CAPS2: variants seen among roughly 807,000 people sequenced by gnomAD.
CAPS2 encodes calcyphosin-2.
A neutral mutation model predicts 86.5 loss-of-function variants in CAPS2; 98 were observed. The observed-to-expected ratio is 1.13, with a 90% CI of 0.96 to 1.34. The LOEUF (loss-of-function observed/expected upper bound fraction) is 1.34. CAPS2 is among the 40% of genes most tolerant of loss of function. The probability of loss-of-function intolerance (pLI) is 0.00; values close to 1 mark genes in which losing one functional copy is unlikely to be tolerated. For synonymous variants in CAPS2, 210 were observed against 225.1 expected (o/e 0.93, Z 0.60); for missense variants, 729 against 686.8 (o/e 1.06, Z -0.69).
chr12:75,292,767 A>G (rs2036213232), intron 12 of CAPS2, among the ~76,000 whole-genome samples: 1 of 149,148 alleles, frequency 6.7e-6, no homozygotes, highest in South Asian at 2.1e-4. Flanking sequence ...TATTCCTGTT[A>G]TTAAAAAAAT....
intron 1 of CAPS2, among the ~76,000 whole-genome samples, chr12:75,372,077 C>T (rs1268317159): frequency 5.3e-5 from 8 of 152,160 alleles, no homozygotes; most frequent in African/African-American, 1.7e-4. Context: ...TGCAGTGGCA[C>T]GATCTTGGCT....
chr12:75,282,790 T>C (rs2034212102), intron 15 of CAPS2, among the ~76,000 whole-genome samples: 1 of 152,202 alleles, frequency 6.6e-6, no homozygotes, highest in Non-Finnish European at 1.5e-5. Context: ...TTAAAAGTAC[T>C]ATACTGATAC....
chr12:75,315,302 T>C (rs1201627275), intron 6 of CAPS2, among the ~76,000 whole-genome samples: 1 of 152,180 alleles, frequency 6.6e-6, no homozygotes, highest in Non-Finnish European at 1.5e-5. Flanking sequence ...TATATCAAAA[T>C]AAGCCTGAAT....
At chr12:75,372,100 C>T (rs1161122008) in intron 1 of CAPS2, among the ~76,000 whole-genome samples, 4 of 152,272 alleles carry the variant, frequency 2.6e-5, no homozygotes, top group South Asian at 2.1e-4. Flanking sequence ...CTGCAACCTC[C>T]GCCTGCTGGG....
chr12:75,363,690 A>T (rs946491752), intron 1 of CAPS2, among the ~76,000 whole-genome samples: 2 of 152,184 alleles, frequency 1.3e-5, no homozygotes. Flanking sequence ...AAATGGAGCC[A>T]TGTGTCAACA....
At chr12:75,303,219 A>C (rs2038032127) in intron 8 of CAPS2, among the ~76,000 whole-genome samples, 1 of 152,238 alleles carries the variant, frequency 6.6e-6, no homozygotes. Context: ...TAAAACTCAC[A>C]AACCTAATGT....
chr12:75,313,610 C>T (rs1447642667), intron 6 of CAPS2, among the ~76,000 whole-genome samples: 1 of 151,958 alleles, frequency 6.6e-6, no homozygotes, highest in Non-Finnish European at 1.5e-5. Flanking sequence ...ATTATATTAT[C>T]CTGCAACTAT....
chr12:75,351,082 T>C (rs2042777435), intron 1 of CAPS2, among the ~76,000 whole-genome samples: 1 of 151,792 alleles, frequency 6.6e-6, no homozygotes, highest in African/African-American at 2.4e-5. Flanking sequence ...ACAGACCAAG[T>C]GGAAGAAAGG....
intron 5 of CAPS2, among the ~76,000 whole-genome samples, chr12:75,320,518 A>G (rs2040202741): frequency 6.6e-6 from 1 of 152,124 alleles, no homozygotes; most frequent in Non-Finnish European, 1.5e-5. Context: ...GAAAGATCAA[A>G]TAATCCCATT....
chr12:75,381,452 G>C (rs1202654091), intron 1 of CAPS2, among the ~76,000 whole-genome samples: 1 of 150,866 alleles, frequency 6.6e-6, no homozygotes, highest in Non-Finnish European at 1.5e-5. Context: ...CTGGAATCTA[G>C]TTATATACAC....
chr12:75,349,995 G>A (rs530161635), intron 1 of CAPS2, among the ~76,000 whole-genome samples: 142 of 152,326 alleles, frequency 9.3e-4, no homozygotes, highest in African/African-American at 3.2e-3. Flanking sequence ...ACCGGGTCCC[G>A]GGAGGGAGGG....
intron 5 of CAPS2, 67 bp from the exon 6 acceptor site, chr12:75,316,501 G>T: frequency 7.3e-7 from 1 of 1,361,062 alleles, no homozygotes; most frequent in Non-Finnish European, 9.8e-7. Flanking sequence ...AACAAAATAT[G>T]GGAATAGATA....
chr12:75,305,830 C>A, intron 7 of CAPS2: 1 of 747,002 alleles, frequency 1.3e-6, no homozygotes, highest in South Asian at 1.4e-5. Context: ...TATTCAGGCT[C>A]ACCAGCCTCA....
chr12:75,366,522 C>A (rs1017484984), intron 1 of CAPS2, among the ~76,000 whole-genome samples: 2 of 152,106 alleles, frequency 1.3e-5, no homozygotes, highest in African/African-American at 4.8e-5. Context: ...TACTAGTAAA[C>A]CTGGCATGCC....
At chr12:75,338,930 C>A (rs577576872) in intron 1 of CAPS2, among the ~76,000 whole-genome samples, 6 of 152,352 alleles carry the variant, frequency 3.9e-5, no homozygotes, top group East Asian at 3.9e-4. Context: ...AGGACTTGAT[C>A]TCATTCCTTT....
At chr12:75,342,202 T>C (rs187735531) in intron 1 of CAPS2, among the ~76,000 whole-genome samples, 1 of 152,296 alleles carries the variant, frequency 6.6e-6, no homozygotes, top group East Asian at 1.9e-4. Flanking sequence ...TATCTAGATA[T>C]TGTGGGAGTG....
chr12:75,360,695 G>A (rs2043519951), intron 1 of CAPS2: 1 of 152,212 alleles, frequency 6.6e-6, no homozygotes, highest in Non-Finnish European at 1.5e-5. Flanking sequence ...ACCATTCTGA[G>A]GTCTGGAGAA....
At chr12:75,318,446 G>A (rs1023357770) in intron 5 of CAPS2, among the ~76,000 whole-genome samples, 8 of 152,046 alleles carry the variant, frequency 5.3e-5, no homozygotes, top group African/African-American at 9.7e-5. Context: ...CTTGCGTGGC[G>A]TCCCTGATCT....
At chr12:75,334,958 G>T, upstream of CAPS2, 1 of 1,508,862 alleles carries the variant, frequency 6.6e-7, no homozygotes, top group Non-Finnish European at 9.0e-7. Context: ...GAGGTATCTG[G>T]GTGATAAATT....
Sources: allele counts gnomAD v4.1 joint callset (sites outside exome capture counted in the v4.1 genomes callset), GRCh38; gene constraint gnomAD v4.1.1; transcripts MANE v1.5; gene names NCBI Gene and HGNC (gene_info 2026-07-23, HGNC 2026-07-21).